Variants in ABCG2 observed in about 807,000 individuals in gnomAD.
ABCG2 encodes the protein ATP binding cassette subfamily G member 2 (JR blood group).
Under a neutral mutation model 73.5 loss-of-function variants are expected in ABCG2, and 80 were observed. The ratio of observed to expected loss-of-function variants is 1.09; its 90% CI spans 0.91 to 1.31. The LOEUF is 1.31. ABCG2 is among the 50% of genes most tolerant of loss of function. ABCG2 has a pLI of 0.00. For missense variants in ABCG2, 796 were observed against 786.2 expected, an observed-to-expected ratio of 1.01 and a Z score of -0.15; for synonymous variants, 269 against 282.4, an observed-to-expected ratio of 0.95 and a Z score of 0.48.
intron 1 of ABCG2, among the ~76,000 whole-genome samples, chr4:88,188,642 C>A (rs1334698665): frequency 6.6e-6 from 1 of 152,044 alleles, no homozygotes; most frequent in Non-Finnish European, 1.5e-5. Flanking sequence ...TCTATTTCTA[C>A]AAAAAAATGG....
chr4:88,117,275 G>A (rs1723642527), intron 7 of ABCG2, among the ~76,000 whole-genome samples: 1 of 151,396 alleles, frequency 6.6e-6, no homozygotes, highest in South Asian at 2.1e-4. Context: ...AGTCAAGATT[G>A]TGCCACTGCA....
rs1159763423 is a variant in ABCG2 at position 88,211,368 on chromosome 4, C to A, written c.-20+19626G>T. Among the ~76,000 whole-genome samples the A allele has an allele frequency of 3.9e-5, 5 of 129,426 alleles. 1 individual carries two copies. The highest frequency in any genetic ancestry group is 1.4e-4 in the African/African-American group (5 of 36,320). The allele number at this position is 129,426 out of a possible 152,430, so 84.9% of individuals were successfully genotyped here. ...AATTGTTCAACCCCTGCCCCACCCCCCCCCACTTTTGGAGACCCCAGTGTC... is the reference window on the plus strand; with the variant it reads ...AATTGTTCAACCCCTGCCCCACCCCACCCCACTTTTGGAGACCCCAGTGTC... On this transcript the variant is annotated intron_variant, in intron 1 of 15. Coordinates refer to the ABCG2 transcript ENST00000515655.
rs33984842 is a variant in ABCG2, at chr4:88,213,982, CTTTTTTTT to C, written c.-20+17004_-20+17011del. 6.9e-3 allele frequency among the ~76,000 whole-genome samples: 411 copies of C among 59,658 alleles called. 3 individuals carry two copies. The highest frequency in any genetic ancestry group is 0.026 in the African/African-American group (389 of 15,130). The allele number at this position is 59,658 out of a possible 152,430, so 39.1% of individuals were successfully genotyped here. A position where few individuals can be genotyped will look rare whatever the true frequency, so the allele number is the denominator to read the frequency against. ...ACAGCCATGAGCCACCACGCCCGGCCTTTTTTTTTTTTTTTTTTTTTTTGAGACAGAGT... is the reference window on the plus strand; with the variant it reads ...ACAGCCATGAGCCACCACGCCCGGCCTTTTTTTTTTTTTTTGAGACAGAGT... On this transcript the variant is annotated intron_variant, in intron 1 of 15. Transcript: ENST00000515655.
chr4:88,208,864 A>C (rs1345822827), intron 1 of ABCG2, among the ~76,000 whole-genome samples: 1 of 152,182 alleles, frequency 6.6e-6, no homozygotes, highest in Non-Finnish European at 1.5e-5. Flanking sequence ...AAAAGCCTAA[A>C]TTACTTATTT....
intron 1 of ABCG2, among the ~76,000 whole-genome samples, chr4:88,187,349 A>G (rs1728507498): frequency 6.6e-6 from 1 of 152,172 alleles, no homozygotes; most frequent in Admixed American, 6.5e-5. Flanking sequence ...GCGGTGGCTC[A>G]TGCCTATAAT....
intron 5 of ABCG2, among the ~76,000 whole-genome samples, chr4:88,128,329 G>GTAAA (rs1226977576): frequency 6.6e-6 from 1 of 152,214 alleles, no homozygotes; most frequent in Non-Finnish European, 1.5e-5. Context: ...TGATGGGAGT[G>GTAAA]TAAATTAGTT....
At chr4:88,141,670 G>A (rs1317092274) in intron 1 of ABCG2, among the ~76,000 whole-genome samples, 1 of 152,120 alleles carries the variant, frequency 6.6e-6, no homozygotes, top group Non-Finnish European at 1.5e-5. Context: ...AAAATTGCCA[G>A]GCATCAGGAA....
rs377284700 is a variant in ABCG2 at position 88,135,429 on chromosome 4, T to G, written c.204-2794A>C. 3.9e-5 allele frequency among the ~76,000 whole-genome samples: 6 copies of G among 152,324 alleles called. No homozygotes were observed. The East Asian group carries it at 1.2e-3, about 29-fold the overall frequency. ...TTACCCCAAAATTTCCTGTCACCTC[T>G]ATTACATTTTAGTGGATAATGATTA... On this transcript the variant is annotated intron_variant, in intron 2 of 15. Coordinates refer to ENST00000237612, the MANE Select transcript of ABCG2 (RefSeq NM_004827.3).
At position 88,113,302 on chromosome 4, in the gene ABCG2, C is replaced by T; in HGVS notation, c.1194+1G>A. On this transcript the variant is annotated splice_donor_variant, in intron 9 of 15. Coordinates refer to ENST00000237612, the MANE Select transcript of ABCG2 (RefSeq NM_004827.3). LOFTEE classifies it high-confidence loss of function. The stretch of plus-strand genomic sequence containing the variant: ...GTATTTCAAAAGAATCTGCTGGTTA[C>T]CTGAGCTATAGAGGCCTGGGGATTA... 6.2e-7 allele frequency: 1 copy of T among 1,612,420 alleles called. No homozygotes were observed.
At position 88,118,213 on chromosome 4, in the gene ABCG2, C is replaced by A. The variant is rs750852563; in HGVS notation, c.737G>T (p.Arg246Leu). The A allele has an allele frequency of 6.2e-7, 1 of 1,614,112 alleles. No homozygotes were observed. Among genetic ancestry groups the A allele is most frequent in the Non-Finnish European group, 8.5e-7 (1 of 1,179,974 alleles). Residue 246 changes from arginine (R) to leucine (L), a missense_variant, in exon 7 of 16, where the codon CGA becomes CTA. By Grantham distance (102) the Arg-to-Leu change is moderately radical (BLOSUM62 -2). Coordinates refer to ENST00000237612, the MANE Select transcript of ABCG2 (RefSeq NM_004827.3). ...ATCAAACAACTTGAAGATGGAATATCGAGGCTGATGAATGGAGAAGATGAT... is the reference window on the plus strand; with the variant it reads ...ATCAAACAACTTGAAGATGGAATATAGAGGCTGATGAATGGAGAAGATGAT... ...RTIIFSIHQP[R>L]YSIFKLFDSL...
At position 88,131,809 on chromosome 4, in the gene ABCG2, C is replaced by A. The variant is rs763003021; in HGVS notation, c.372G>T (p.Val124=). 6.2e-7 allele frequency: 1 copy of A among 1,612,386 alleles called. No individual in the cohort carries two copies. Among genetic ancestry groups the A allele is most frequent in the Admixed American group, 1.7e-5 (1 of 59,964 alleles). The part of the protein sequence containing the change: ...PANFKCNSGY[V]VQDDVVMGTL... ...CAAACCCACTAATACTTACTTGTAC[C>A]ACGTAACCTGAATTACATTTGAAAT... The change falls in exon 4 of 16, where the codon GTG becomes GTT. Residue 124 remains valine (V), a synonymous_variant. Transcript: ENST00000237612.
At chr4:88,166,742 GCAA>G (rs1727537007) in intron 1 of ABCG2, among the ~76,000 whole-genome samples, 1 of 152,144 alleles carries the variant, frequency 6.6e-6, no homozygotes, top group Non-Finnish European at 1.5e-5. Context: ...GGTGGGTAAG[GCAA>G]TAGAAAGATG....
intron 1 of ABCG2, among the ~76,000 whole-genome samples, chr4:88,153,936 C>T (rs928680046): frequency 6.6e-6 from 1 of 151,994 alleles, no homozygotes; most frequent in African/African-American, 2.4e-5. Context: ...CAGATTTCCA[C>T]GATGGAAAGG....
At chr4:88,181,485 C>T (rs893343814) in intron 1 of ABCG2, among the ~76,000 whole-genome samples, 1 of 150,166 alleles carries the variant, frequency 6.7e-6, no homozygotes, top group South Asian at 2.1e-4. Context: ...AATTCCAGCA[C>T]TTTGGGAGGC....
At chr4:88,095,896 C>T (rs1721952238) in intron 13 of ABCG2, among the ~76,000 whole-genome samples, 1 of 152,126 alleles carries the variant, frequency 6.6e-6, no homozygotes, top group Non-Finnish European at 1.5e-5. Context: ...AGACTATGTA[C>T]TCAACTTTAT....
At chr4:88,188,840 C>T (rs1159228892) in intron 1 of ABCG2, among the ~76,000 whole-genome samples, 1 of 151,930 alleles carries the variant, frequency 6.6e-6, no homozygotes, top group African/African-American at 2.4e-5. Flanking sequence ...ATGGCAAAAC[C>T]AGTCTCTACA....
At chr4:88,207,094 C>A (rs1729409749) in intron 1 of ABCG2, among the ~76,000 whole-genome samples, 1 of 152,190 alleles carries the variant, frequency 6.6e-6, no homozygotes, top group South Asian at 2.1e-4. Flanking sequence ...TGTGCCCAGT[C>A]TCAAAGCAGT....
rs762177463 is a variant in ABCG2, at chr4:88,097,451, A to G, written c.1647+2T>C. On this transcript the variant is annotated splice_donor_variant, in intron 13 of 15. Coordinates refer to ENST00000237612, the MANE Select transcript of ABCG2 (RefSeq NM_004827.3). LOFTEE classifies it high-confidence loss of function. ...ATCAGAGCAAACACAGTTCAGACTC[A>G]CCATCATAAACACAAAACAGATGGT... 2 of 1,613,960 alleles carry G rather than the reference A, an allele frequency of 1.2e-6. No individual in the cohort carries two copies. The highest frequency in any genetic ancestry group is 2.2e-5 in the South Asian group (2 of 91,002).
chr4:88,230,341 A>G (rs1299002695), intron 1 of ABCG2, among the ~76,000 whole-genome samples: 1 of 128,124 alleles, frequency 7.8e-6, no homozygotes, highest in Non-Finnish European at 1.6e-5. Context: ...ATATATATAT[A>G]TATATTTTTT....
Sources: allele counts gnomAD v4.1 joint callset (sites outside exome capture counted in the v4.1 genomes callset), GRCh38; gene constraint gnomAD v4.1.1; transcripts MANE v1.5; gene names NCBI Gene and HGNC (gene_info 2026-07-23, HGNC 2026-07-21).